Variants in AGBL4 observed in about 807,000 individuals in gnomAD.
The protein encoded by AGBL4 is cytosolic carboxypeptidase 6.
AGBL4 carries 58 observed loss-of-function variants against 66.4 expected under a neutral mutation model. The ratio of observed to expected loss-of-function variants is 0.87; its 90% CI spans 0.71 to 1.09. The LOEUF (loss-of-function observed/expected upper bound fraction) is 1.09, where lower values mean the gene tolerates loss of function less well. Ranked by LOEUF, AGBL4 falls within the 50% of genes least tolerant of loss-of-function variation. The pLI, the probability that AGBL4 is intolerant of heterozygous loss-of-function variation, is 0.00. For missense variants in AGBL4, 579 were observed against 631.0 expected, an observed-to-expected ratio of 0.92 and a Z score of 0.88; for synonymous variants, 234 against 222.9, an observed-to-expected ratio of 1.05 and a Z score of -0.44.
At chr1:48,801,534 T>G (rs1645807259) in intron 6 of AGBL4, among the ~76,000 whole-genome samples, 1 of 152,182 alleles carries the variant, frequency 6.6e-6, no homozygotes, top group African/African-American at 2.4e-5. Context: ...CTACAGGGCT[T>G]TTCCCATAGT....
chr1:49,983,010 C>A (rs1395397048), intron 1 of AGBL4, among the ~76,000 whole-genome samples: 2 of 152,210 alleles, frequency 1.3e-5, no homozygotes, highest in Non-Finnish European at 2.9e-5. Flanking sequence ...CTCCTCTGAG[C>A]TGTTCTATCT....
Position 49,408,739 on chromosome 1 carries a change from G to A in AGBL4, c.283-162875C>T, listed in dbSNP as rs569558564. On this transcript the variant is annotated intron_variant, in intron 3 of 13. Transcript: ENST00000371839. Reference sequence around the variant, plus strand: ...CACCAGTGGTTTGCCAGAGGCTCTCGGGCCTTAGGCCATAGACTGAAGGCT... The same window carrying A: ...CACCAGTGGTTTGCCAGAGGCTCTCAGGCCTTAGGCCATAGACTGAAGGCT... Among the ~76,000 whole-genome samples the A allele has an allele frequency of 5.9e-5, 9 of 152,254 alleles. No individual in the cohort carries two copies. The South Asian group carries it at 1.9e-3, about 32-fold the overall frequency.
intron 2 of AGBL4, among the ~76,000 whole-genome samples, chr1:49,834,211 C>G: frequency 6.6e-6 from 1 of 152,058 alleles, no homozygotes; most frequent in East Asian, 1.9e-4. Context: ...TCTGTCTGTT[C>G]CTAGGTTTTT....
At chr1:49,367,984 AT>A (rs1331915229) in intron 3 of AGBL4, among the ~76,000 whole-genome samples, 2 of 152,172 alleles carry the variant, frequency 1.3e-5, no homozygotes, top group African/African-American at 2.4e-5. Context: ...GGATTTGCCT[AT>A]TATGAATATT....
At chr1:49,082,230 T>G (rs2147959061) in intron 4 of AGBL4, among the ~76,000 whole-genome samples, 1 of 152,246 alleles carries the variant, frequency 6.6e-6, no homozygotes, top group South Asian at 2.1e-4. Context: ...TACAACAAAT[T>G]TTTACTAATT....
In AGBL4 at chr1:49,299,999, C is replaced by T. The variant is rs181446010; in HGVS notation, c.283-54135G>A. On this transcript the variant is annotated intron_variant, in intron 3 of 13. Coordinates refer to ENST00000371839, the MANE Select transcript of AGBL4 (RefSeq NM_032785.4). Reference sequence around the variant, plus strand: ...TTCACACATCATTGTACTTGATTTGCTAATATTTTGTTGATGTTAATTTGT... The same window carrying T: ...TTCACACATCATTGTACTTGATTTGTTAATATTTTGTTGATGTTAATTTGT... 1.8e-4 allele frequency among the ~76,000 whole-genome samples: 28 copies of T among 152,174 alleles called. No individual in the cohort carries two copies. The East Asian group carries it at 2.9e-3, about 16-fold the overall frequency.
chr1:49,665,313 A>G (rs577052392), intron 3 of AGBL4, among the ~76,000 whole-genome samples: 19 of 151,952 alleles, frequency 1.3e-4, no homozygotes, highest in African/African-American at 4.1e-4. Flanking sequence ...TTTTGTTTTT[A>G]TTTTTGGTAT....
chr1:49,777,436 A>G (rs1334516801), intron 2 of AGBL4, among the ~76,000 whole-genome samples: 1 of 152,204 alleles, frequency 6.6e-6, no homozygotes, highest in Non-Finnish European at 1.5e-5. Flanking sequence ...AATCATTAAA[A>G]TATATTTAGA....
intron 6 of AGBL4, among the ~76,000 whole-genome samples, chr1:48,781,045 T>C (rs144707220): frequency 6.6e-6 from 1 of 152,320 alleles, no homozygotes; most frequent in Non-Finnish European, 1.5e-5. Context: ...GAACATTGAT[T>C]CTACCACTTG....
intron 3 of AGBL4, among the ~76,000 whole-genome samples, chr1:49,279,958 A>G (rs1390534690): frequency 6.6e-6 from 1 of 152,154 alleles, no homozygotes; most frequent in African/African-American, 2.4e-5. Flanking sequence ...ACTATAATAG[A>G]TTTCCAGCCA....
At chr1:49,060,357 C>T (rs971630378) in intron 4 of AGBL4, among the ~76,000 whole-genome samples, 2 of 152,110 alleles carry the variant, frequency 1.3e-5, no homozygotes, top group Non-Finnish European at 2.9e-5. Flanking sequence ...CTGATGCCTC[C>T]CAGCCATGCG....
chr1:49,847,514 G>A (rs974380526), intron 2 of AGBL4, among the ~76,000 whole-genome samples: 22 of 151,822 alleles, frequency 1.4e-4, no homozygotes, highest in Admixed American at 2.0e-4. Flanking sequence ...ACTATACATC[G>A]GACAGGGGAC....
intron 6 of AGBL4, among the ~76,000 whole-genome samples, chr1:48,858,799 T>G (rs1391984718): frequency 6.6e-6 from 1 of 152,140 alleles, no homozygotes; most frequent in African/African-American, 2.4e-5. Flanking sequence ...ACCACTAAAT[T>G]ATCACTTTAA....
At chr1:48,532,367 A>G (rs1230687753), downstream of AGBL4, among the ~76,000 whole-genome samples, 1 of 152,256 alleles carries the variant, frequency 6.6e-6, no homozygotes, top group African/African-American at 2.4e-5. Flanking sequence ...TTAAAGAAAT[A>G]GAAGTAGGGT....
chr1:48,999,948 T>G lies in AGBL4; in HGVS notation c.594+45636A>C, dbSNP rs539990459. Among the ~76,000 whole-genome samples the G allele has an allele frequency of 5.9e-5, 9 of 152,274 alleles. No homozygotes were observed. The South Asian group carries it at 1.9e-3, about 32-fold the overall frequency. On this transcript the variant is annotated intron_variant, in intron 5 of 13. Transcript: ENST00000371839. ...TCCTAGAAATAGACTAGTTCTTTTC[T>G]CAGTCTTTGTAGATGGTGTTCTCTG...
At chr1:49,968,738 T>G (rs1657789463) in intron 1 of AGBL4, among the ~76,000 whole-genome samples, 1 of 152,188 alleles carries the variant, frequency 6.6e-6, no homozygotes. Flanking sequence ...TTTTCCTGCC[T>G]CATTTGGTTT....
At chr1:49,416,214 A>G (rs1218082442) in intron 3 of AGBL4, among the ~76,000 whole-genome samples, 6 of 152,154 alleles carry the variant, frequency 3.9e-5, no homozygotes, top group South Asian at 2.1e-4. Context: ...GATCCAGATG[A>G]TATTTATACA....
chr1:48,747,441 A>C (rs565588257), intron 6 of AGBL4, among the ~76,000 whole-genome samples: 1 of 152,334 alleles, frequency 6.6e-6, no homozygotes. Flanking sequence ...CCCTGACTGC[A>C]TATCAAGATC....
At chr1:49,554,649 T>A (rs1198915020) in intron 3 of AGBL4, among the ~76,000 whole-genome samples, 1 of 152,200 alleles carries the variant, frequency 6.6e-6, no homozygotes, top group African/African-American at 2.4e-5. Context: ...CCCACAAATG[T>A]GTCCAGAATT....
Sources: gnomAD v4.1 joint callset for allele counts (sites outside exome capture counted in the v4.1 genomes callset) on GRCh38, gnomAD v4.1.1 for gene constraint, MANE v1.5 for transcripts, NCBI Gene and HGNC (gene_info 2026-07-23, HGNC 2026-07-21) for gene names.